FGGY: variants seen among roughly 807,000 people sequenced by gnomAD.
The protein encoded by FGGY is FGGY carbohydrate kinase domain containing.
A neutral mutation model predicts 71.3 loss-of-function variants in FGGY; 72 were observed. The observed-to-expected ratio is 1.01, with a 90% CI of 0.84 to 1.23. The LOEUF (loss-of-function observed/expected upper bound fraction) is 1.23. Among genes scored for constraint, FGGY ranks in the 50% most tolerant of loss-of-function variants. FGGY has a pLI of 0.00. For synonymous variants in FGGY, 251 were observed against 250.3 expected, an observed-to-expected ratio of 1.00 and a Z score of -0.02; for missense variants, 668 against 682.3, an observed-to-expected ratio of 0.98 and a Z score of 0.23.
intron 1 of FGGY, chr1:59,318,639 C>G (rs927250947): frequency 6.6e-6 from 1 of 152,130 alleles, no homozygotes; most frequent in Non-Finnish European, 1.5e-5. Context: ...CGTGGGCCAG[C>G]CCCATGGGGA....
intron 14 of FGGY, chr1:59,697,566 T>G (rs2097672138): frequency 2.8e-6 from 2 of 713,178 alleles, no homozygotes; most frequent in Non-Finnish European, 2.2e-6. Context: ...GCAACATAGC[T>G]TGTTCTCTGT....
intron 14 of FGGY, among the ~76,000 whole-genome samples, chr1:59,721,333 C>CTTTTTTTTTTTT (rs1193468922): frequency 5.5e-4 from 38 of 68,558 alleles, no homozygotes; most frequent in South Asian, 5.9e-4. Flanking sequence ...CTTTTCTTTC[C>CTTTTTTTTTTTT]TTTGTTTTTT....
At chr1:59,723,071 A>G (rs1410044929) in intron 14 of FGGY, among the ~76,000 whole-genome samples, 2 of 152,160 alleles carry the variant, frequency 1.3e-5, no homozygotes, top group Non-Finnish European at 2.9e-5. Flanking sequence ...TGCTGGGATT[A>G]CAGACATGAG....
At chr1:59,552,564 G>A (rs1177528952) in intron 7 of FGGY, among the ~76,000 whole-genome samples, 1 of 152,154 alleles carries the variant, frequency 6.6e-6, no homozygotes, top group Non-Finnish European at 1.5e-5. Flanking sequence ...GCAAGTATCT[G>A]AGCAGCCAGT....
intron 6 of FGGY, among the ~76,000 whole-genome samples, chr1:59,500,164 G>A (rs59185280): frequency 6.6e-6 from 1 of 152,286 alleles, no homozygotes; most frequent in African/African-American, 2.4e-5. Flanking sequence ...TATGATCAGA[G>A]CAAATTCCAG....
intron 14 of FGGY, among the ~76,000 whole-genome samples, chr1:59,747,298 CTT>C (rs1023913908): frequency 2.0e-5 from 3 of 152,170 alleles, no homozygotes; most frequent in Non-Finnish European, 2.9e-5. Flanking sequence ...GGATCCAACT[CTT>C]TTGCAGCCAG....
intron 14 of FGGY, among the ~76,000 whole-genome samples, chr1:59,690,152 A>G (rs1380963596): frequency 6.6e-6 from 1 of 152,184 alleles, no homozygotes; most frequent in Non-Finnish European, 1.5e-5. Flanking sequence ...AATGACTAGG[A>G]AACAACAGGC....
At chr1:59,747,016 T>C (rs966899438) in intron 14 of FGGY, among the ~76,000 whole-genome samples, 1 of 152,216 alleles carries the variant, frequency 6.6e-6, no homozygotes, top group African/African-American at 2.4e-5. Flanking sequence ...TCAACAAATA[T>C]CAGTTGCCAT....
At chr1:59,571,864 A>C (rs574284073) in intron 8 of FGGY, among the ~76,000 whole-genome samples, 1 of 152,320 alleles carries the variant, frequency 6.6e-6, no homozygotes, top group South Asian at 2.1e-4. Context: ...GAATTATTTC[A>C]TTCATAGAAA....
chr1:59,564,702 G>A (rs1415310557), intron 8 of FGGY, among the ~76,000 whole-genome samples: 1 of 152,208 alleles, frequency 6.6e-6, no homozygotes, highest in Non-Finnish European at 1.5e-5. Context: ...ATGATGCAAC[G>A]ACTTTGGAAA....
chr1:59,472,947 G>A (rs572437137), intron 6 of FGGY, among the ~76,000 whole-genome samples: 1 of 152,254 alleles, frequency 6.6e-6, no homozygotes, highest in Admixed American at 6.5e-5. Flanking sequence ...GAGAACCTTT[G>A]TGTCTAGCTC....
At chr1:59,331,406 C>A (rs1189039422) in intron 2 of FGGY, among the ~76,000 whole-genome samples, 1 of 152,138 alleles carries the variant, frequency 6.6e-6, no homozygotes, top group East Asian at 1.9e-4. Flanking sequence ...CCAGGTAATG[C>A]ACGCCCCAAC....
chr1:59,507,220 A>G (rs1358549002), intron 6 of FGGY, among the ~76,000 whole-genome samples: 4 of 152,222 alleles, frequency 2.6e-5, no homozygotes, highest in African/African-American at 7.2e-5. Flanking sequence ...CAGAGTTTGA[A>G]CAGTTGGCCG....
intron 14 of FGGY, among the ~76,000 whole-genome samples, chr1:59,753,467 AATATATATATATATATATATAT>A (rs57074120): frequency 0.064 from 3,071 of 47,964 alleles, 256 homozygotes; most frequent in East Asian, 0.24. Flanking sequence ...CATAACTTTA[AATATATATATATATATATATAT>A]ATATATATAT....
intron 14 of FGGY, chr1:59,697,568 G>A (rs1353757160): frequency 2.7e-6 from 2 of 732,504 alleles, no homozygotes; most frequent in Middle Eastern, 2.7e-4. Flanking sequence ...AACATAGCTT[G>A]TTCTCTGTGA....
At chr1:59,606,411 C>T (rs1420676756) in intron 8 of FGGY, among the ~76,000 whole-genome samples, 1 of 152,180 alleles carries the variant, frequency 6.6e-6, no homozygotes, top group African/African-American at 2.4e-5. Context: ...TACCAATTGC[C>T]ATCAGCAAGA....
At chr1:59,435,410 C>T (rs1312627166) in intron 5 of FGGY, among the ~76,000 whole-genome samples, 3 of 152,134 alleles carry the variant, frequency 2.0e-5, no homozygotes, top group Admixed American at 1.3e-4. Context: ...CAACTTTGAT[C>T]GTGGCACAGA....
chr1:59,725,403 T>G (rs1367686517), intron 14 of FGGY, among the ~76,000 whole-genome samples: 1 of 152,224 alleles, frequency 6.6e-6, no homozygotes, highest in East Asian at 1.9e-4. Flanking sequence ...AGTTGGGTAG[T>G]GTCAGTTCAC....
chr1:59,339,018 A>G (rs1241097024), intron 2 of FGGY, among the ~76,000 whole-genome samples: 2 of 152,230 alleles, frequency 1.3e-5, no homozygotes, highest in African/African-American at 4.8e-5. Flanking sequence ...GACGCCACAC[A>G]TGGATGTCTA....
Sources: gnomAD v4.1 joint callset for allele counts (sites outside exome capture counted in the v4.1 genomes callset) on GRCh38, gnomAD v4.1.1 for gene constraint, MANE v1.5 for transcripts, NCBI Gene and HGNC (gene_info 2026-07-23, HGNC 2026-07-21) for gene names.